Variants in TRDN observed in about 807,000 individuals in gnomAD.
The protein encoded by TRDN is triadin in skeletal muscle.
Under a neutral mutation model 149.7 loss-of-function variants are expected in TRDN, and 161 were observed. The observed-to-expected ratio is 1.08, with a 90% CI of 0.95 to 1.23. The LOEUF is 1.23. Ranked by LOEUF, TRDN falls within the 50% of genes most tolerant of loss-of-function variation. The pLI, the probability that TRDN is intolerant of heterozygous loss-of-function variation, is 0.00. For missense variants in TRDN, 896 were observed against 823.5 expected, an observed-to-expected ratio of 1.09 and a Z score of -1.08; for synonymous variants, 294 against 250.5, an observed-to-expected ratio of 1.17 and a Z score of -1.64.
chr6:123,410,348 C>T (rs141261201), intron 12 of TRDN, among the ~76,000 whole-genome samples: 120 of 152,180 alleles, frequency 7.9e-4, no homozygotes, highest in African/African-American at 2.8e-3. Flanking sequence ...GCATTTTCTC[C>T]CCTTTTGCAA....
intron 9 of TRDN, among the ~76,000 whole-genome samples, chr6:123,494,291 A>C (rs1435719501): frequency 6.6e-6 from 1 of 152,194 alleles, no homozygotes; most frequent in Non-Finnish European, 1.5e-5. Flanking sequence ...GGTCGTTAAC[A>C]AAATCATCTT....
chr6:123,310,609 G>C (rs1448982615), intron 24 of TRDN, among the ~76,000 whole-genome samples: 1 of 151,978 alleles, frequency 6.6e-6, no homozygotes, highest in African/African-American at 2.4e-5. Flanking sequence ...AGGATGTAAA[G>C]CTGGAGAATT....
chr6:123,314,888 T>C (rs1202733816), intron 24 of TRDN, among the ~76,000 whole-genome samples: 1 of 151,912 alleles, frequency 6.6e-6, no homozygotes, highest in Non-Finnish European at 1.5e-5. Context: ...AAATAACTAA[T>C]GGATATTAGG....
At chr6:123,382,091 G>T in intron 15 of TRDN, 27 bp downstream of exon 15, 1 of 1,446,894 alleles carries the variant, frequency 6.9e-7, no homozygotes, top group Non-Finnish European at 9.1e-7. Context: ...CAAACATAAG[G>T]CAGAAAAAAA....
At chr6:123,273,838 T>A (rs1448933182) in intron 27 of TRDN, among the ~76,000 whole-genome samples, 1 of 151,872 alleles carries the variant, frequency 6.6e-6, no homozygotes, top group Non-Finnish European at 1.5e-5. Context: ...AGCCTGAGGG[T>A]TTTTTTGAAC....
intron 9 of TRDN, chr6:123,469,045 C>T (rs752731863): frequency 3.9e-5 from 6 of 152,064 alleles, no homozygotes; most frequent in Non-Finnish European, 7.4e-5. Context: ...TCATAGAAGG[C>T]ATTTGTAAAT....
At chr6:123,252,897 TAA>T (rs1413147230) in intron 37 of TRDN, among the ~76,000 whole-genome samples, 6 of 152,140 alleles carry the variant, frequency 3.9e-5, no homozygotes, top group African/African-American at 1.4e-4. Context: ...ATACTCTTAC[TAA>T]AATCAAGATC....
intron 21 of TRDN, among the ~76,000 whole-genome samples, chr6:123,340,864 A>T (rs1582893202): frequency 6.6e-6 from 1 of 151,952 alleles, no homozygotes; most frequent in African/African-American, 2.4e-5. Flanking sequence ...AGAAAATAAA[A>T]TTGTCTCACA....
intron 32 of TRDN, 127 bp from the exon 33 acceptor site, chr6:123,265,465 A>G: frequency 3.6e-6 from 2 of 551,084 alleles, no homozygotes; most frequent in Non-Finnish European, 6.1e-6. Flanking sequence ...TATATCAACA[A>G]TGAACAGTAG....
intron 23 of TRDN, among the ~76,000 whole-genome samples, chr6:123,323,704 A>G (rs373655580): frequency 4.6e-5 from 7 of 152,236 alleles, no homozygotes; most frequent in Non-Finnish European, 1.0e-4. Flanking sequence ...CTCTCTTTTC[A>G]GCACAGAATA....
In TRDN at chr6:123,499,719, A is replaced by AATATATAT. The variant is rs71272328; in HGVS notation, c.794-2475_794-2468dup. ...ATTCTGGCTCAAAAAAAAAAAAAAA[A>AATATATAT]ATATATATATATATATATATATATA... is the stretch of plus-strand genomic sequence containing the variant. On this transcript the variant is annotated intron_variant, in intron 8 of 40. Coordinates refer to ENST00000334268, the MANE Select transcript of TRDN (RefSeq NM_006073.4). Among the ~76,000 whole-genome samples, 151 of 47,658 alleles carry AATATATAT rather than the reference A, an allele frequency of 3.2e-3. 15 individuals are homozygous for AATATATAT. Among genetic ancestry groups the AATATATAT allele is most frequent in the Non-Finnish European group, 5.8e-3 (129 of 22,290 alleles). 31.3% of individuals were successfully genotyped at this position (47,658 alleles called of 152,430 possible).
chr6:123,518,573 G>A (rs141609981), intron 5 of TRDN, among the ~76,000 whole-genome samples: 1 of 152,230 alleles, frequency 6.6e-6, no homozygotes, highest in Non-Finnish European at 1.5e-5. Context: ...TTTTCAGATT[G>A]ACGTGTGCAA....
chr6:123,234,932 G>C (rs1775730860), intron 38 of TRDN, among the ~76,000 whole-genome samples: 1 of 152,138 alleles, frequency 6.6e-6, no homozygotes. Context: ...AGGATCGTTT[G>C]TTAAGCCAGG....
chr6:123,247,196 A>G (rs1188629549), intron 38 of TRDN, among the ~76,000 whole-genome samples: 2 of 152,230 alleles, frequency 1.3e-5, no homozygotes, highest in East Asian at 3.8e-4. Flanking sequence ...CTGGCACAAG[A>G]CAAGTATGTG....
chr6:123,581,152 G>A (rs1280519546), intron 1 of TRDN, among the ~76,000 whole-genome samples: 1 of 152,072 alleles, frequency 6.6e-6, no homozygotes, highest in East Asian at 1.9e-4. Flanking sequence ...ATTTAAAGTG[G>A]CCAAAAGTTC....
chr6:123,252,566 C>T, intron 37 of TRDN, 131 bp from the exon 38 acceptor site: 1 of 494,034 alleles, frequency 2.0e-6, no homozygotes, highest in South Asian at 3.8e-5. Context: ...TGAAGAAATA[C>T]AGTCATCTGT....
intron 24 of TRDN, among the ~76,000 whole-genome samples, chr6:123,287,662 T>C (rs1777849134): frequency 6.6e-6 from 1 of 152,156 alleles, no homozygotes; most frequent in Admixed American, 6.6e-5. Flanking sequence ...AGAGCATGCT[T>C]GTGTTGATCA....
chr6:123,238,712 A>G (rs78890547), intron 38 of TRDN, among the ~76,000 whole-genome samples: 1,951 of 152,340 alleles, frequency 0.013, 38 homozygotes, highest in African/African-American at 0.045. Context: ...ACACATATAT[A>G]AAACATCATG....
chr6:123,618,720 C>T (rs917629459), intron 1 of TRDN, among the ~76,000 whole-genome samples: 2 of 152,160 alleles, frequency 1.3e-5, no homozygotes, highest in Admixed American at 6.5e-5. Flanking sequence ...GGCTCACAAC[C>T]GTGTATCTTT....
Sources: gnomAD v4.1 joint callset for allele counts (sites outside exome capture counted in the v4.1 genomes callset) on GRCh38, gnomAD v4.1.1 for gene constraint, MANE v1.5 for transcripts, NCBI Gene and HGNC (gene_info 2026-07-23, HGNC 2026-07-21) for gene names.